The following EYS variants were observed in gnomAD, a reference collection of about 807,000 sequenced individuals.
EYS encodes the protein EGF-like photoreceptor maintenance factor.
A neutral mutation model predicts 282.1 loss-of-function variants in EYS; 250 were observed. That is an observed-to-expected ratio of 0.89 (90% CI 0.80 to 0.98). The LOEUF is 0.98. Ranked by LOEUF, EYS falls within the 50% of genes least tolerant of loss-of-function variation. EYS has a pLI of 0.00. For missense variants in EYS, 4,016 were observed against 3,709.0 expected (o/e 1.08, Z -2.15); for synonymous variants, 1,355 against 1,282.9 (o/e 1.06, Z -1.20).
chr6:64,599,148 A>G (rs1203251596), intron 24 of EYS, among the ~76,000 whole-genome samples: 1 of 152,206 alleles, frequency 6.6e-6, no homozygotes, highest in Non-Finnish European at 1.5e-5. Flanking sequence ...TGAGAATTAT[A>G]GGAAGCCATT....
At chr6:64,650,091 G>A (rs1407246980) in intron 22 of EYS, among the ~76,000 whole-genome samples, 4 of 151,968 alleles carry the variant, frequency 2.6e-5, no homozygotes, top group Non-Finnish European at 5.9e-5. Context: ...AGAAAATACT[G>A]TTAAGAAGTT....
intron 31 of EYS, among the ~76,000 whole-genome samples, chr6:64,164,348 T>G (rs190592664): frequency 6.6e-6 from 1 of 152,226 alleles, no homozygotes; most frequent in East Asian, 1.9e-4. Context: ...TGGAAAAAAT[T>G]ATTACAAAAG....
At chr6:65,078,832 T>C (rs551751619) in intron 12 of EYS, among the ~76,000 whole-genome samples, 5 of 151,982 alleles carry the variant, frequency 3.3e-5, no homozygotes, top group African/African-American at 1.2e-4. Flanking sequence ...AGATCCCTCA[T>C]GACTTGGTGC....
intron 5 of EYS, among the ~76,000 whole-genome samples, chr6:65,436,030 T>A (rs537368441): frequency 1.8e-4 from 27 of 152,256 alleles, no homozygotes; most frequent in African/African-American, 6.3e-4. Context: ...CATGGCCCTT[T>A]TTTTTACGAT....
chr6:63,944,373 TTACGAAAGTG>T (rs1765330716), intron 35 of EYS, among the ~76,000 whole-genome samples: 1 of 152,202 alleles, frequency 6.6e-6, no homozygotes. Context: ...TTAGTACATT[TTACGAAAGTG>T]TACGACATGC....
intron 29 of EYS, among the ~76,000 whole-genome samples, chr6:64,311,892 C>T (rs1422179879): frequency 6.6e-6 from 1 of 152,028 alleles, no homozygotes; most frequent in African/African-American, 2.4e-5. Flanking sequence ...CAGGAGACTC[C>T]CTCTGGTGCC....
intron 41 of EYS, among the ~76,000 whole-genome samples, chr6:63,747,144 G>T (rs77436520): frequency 0.012 from 1,830 of 152,286 alleles, 29 homozygotes; most frequent in African/African-American, 0.042. Flanking sequence ...CAAAAAGATT[G>T]TGTCTTTGTT....
At chr6:64,984,120 A>G (rs1198651923) in intron 14 of EYS, among the ~76,000 whole-genome samples, 1 of 151,506 alleles carries the variant, frequency 6.6e-6, no homozygotes, top group Admixed American at 6.6e-5. Flanking sequence ...ATTTTGAAAA[A>G]TGATTCAAAC....
chr6:65,306,990 A>T (rs1769031108), intron 11 of EYS, among the ~76,000 whole-genome samples: 1 of 137,948 alleles, frequency 7.2e-6, no homozygotes, highest in African/African-American at 2.7e-5. Flanking sequence ...CGTCTAGAGT[A>T]AGTTTTTCTT....
chr6:65,404,709 G>GA lies in EYS; in HGVS notation c.1056+464dup, dbSNP rs576108322. 5.0e-3 allele frequency among the ~76,000 whole-genome samples: 762 copies of GA among 151,450 alleles called. 7 individuals are homozygous for GA. Among genetic ancestry groups the GA allele is most frequent in the African/African-American group, 0.015 (620 of 41,350 alleles). ...TGATAAAATGGACAATTCTCCAGGG[G>GA]AAAAAAAATTCCTTTTCAGAGTGTT... On this transcript the variant is annotated intron_variant, in intron 6 of 42. Coordinates refer to ENST00000503581, the MANE Select transcript of EYS (RefSeq NM_001142800.2).
At chr6:64,534,303 A>C (rs1308165166) in intron 26 of EYS, among the ~76,000 whole-genome samples, 1 of 151,996 alleles carries the variant, frequency 6.6e-6, no homozygotes, top group South Asian at 2.1e-4. Context: ...TTTTAATTTG[A>C]ATTTTTACTT....
At chr6:64,872,155 G>A (rs9363284) in intron 19 of EYS, among the ~76,000 whole-genome samples, 23,594 of 151,914 alleles carry the variant, frequency 0.16, 2,163 homozygotes, top group East Asian at 0.49. Context: ...AAGGGAGAGT[G>A]TATGTCCCAT....
intron 13 of EYS, among the ~76,000 whole-genome samples, chr6:65,050,048 T>C (rs745501071): frequency 2.6e-5 from 4 of 151,626 alleles, no homozygotes; most frequent in Non-Finnish European, 5.9e-5. Context: ...ATAGGTCTGG[T>C]CCATTAACAT....
At chr6:63,988,444 A>G (rs147271644) in intron 34 of EYS, among the ~76,000 whole-genome samples, 1 of 151,662 alleles carries the variant, frequency 6.6e-6, no homozygotes, top group African/African-American at 2.4e-5. Flanking sequence ...AACAATGGAA[A>G]TAGATGGCTC....
At chr6:64,369,181 C>A (rs771047327) in intron 29 of EYS, among the ~76,000 whole-genome samples, 2 of 152,068 alleles carry the variant, frequency 1.3e-5, no homozygotes, top group Non-Finnish European at 2.9e-5. Context: ...AATAGGGAGT[C>A]CTTTCCCTAT....
At chr6:64,296,541 A>AATATATAT (rs1211614579) in intron 30 of EYS, among the ~76,000 whole-genome samples, 41 of 15,392 alleles carry the variant, frequency 2.7e-3, no homozygotes, top group South Asian at 9.6e-3. Flanking sequence ...GTACTGGCAG[A>AATATATAT]ATATATATAT....
At chr6:64,733,950 A>AT (rs1369437930) in intron 22 of EYS, 2 of 153,690 alleles carry the variant, frequency 1.3e-5, no homozygotes, top group Admixed American at 6.5e-5. Flanking sequence ...ATATTAATTT[A>AT]TTTTTTAAAG....
intron 29 of EYS, among the ~76,000 whole-genome samples, chr6:64,376,026 G>A (rs1007200289): frequency 6.6e-6 from 1 of 152,108 alleles, no homozygotes; most frequent in Non-Finnish European, 1.5e-5. Context: ...TAAAAAAATT[G>A]TGAGTCCTTC....
intron 33 of EYS, among the ~76,000 whole-genome samples, chr6:64,056,808 A>G (rs1377163317): frequency 6.6e-6 from 1 of 152,194 alleles, no homozygotes; most frequent in Non-Finnish European, 1.5e-5. Flanking sequence ...AGATCAGCAG[A>G]TGCCACTGGG....
Sources: gnomAD v4.1 joint callset for allele counts (sites outside exome capture counted in the v4.1 genomes callset) on GRCh38, gnomAD v4.1.1 for gene constraint, MANE v1.5 for transcripts, NCBI Gene and HGNC (gene_info 2026-07-23, HGNC 2026-07-21) for gene names.